Variants in DCHS2 observed in about 807,000 individuals in gnomAD.
DCHS2 encodes dachsous cadherin-related 2.
DCHS2 carries 142 observed loss-of-function variants against 182.4 expected under a neutral mutation model. The observed-to-expected ratio is 0.78, with a 90% CI of 0.68 to 0.89. The LOEUF (loss-of-function observed/expected upper bound fraction) is 0.89, where lower values mean the gene tolerates loss of function less well. DCHS2 is among the 40% of genes least tolerant of loss of function. DCHS2 has a pLI of 0.00. For synonymous variants in DCHS2, 1,740 were observed against 1,663.3 expected, an observed-to-expected ratio of 1.05 and a Z score of -1.12; for missense variants, 4,319 against 4,198.6, an observed-to-expected ratio of 1.03 and a Z score of -0.79.
In DCHS2 at chr4:154,366,361, G is replaced by T. The variant is rs1018097517; in HGVS notation, c.2325C>A (p.Thr775=). Residue 775 remains threonine, a synonymous_variant, in exon 3 of 20, where the codon ACC becomes ACA. Coordinates refer to ENST00000357232, the MANE Select transcript of DCHS2 (RefSeq NM_001358235.2). ...NDNHPVFNPS[T]YVTSISDETQ... is the part of the protein sequence containing the mutation. ...TCTCATCACTGATGCTCGTCACATA[G>T]GTTGATGGGTTAAACACAGGATGAT... is the stretch of plus-strand genomic sequence containing the variant. The T allele has an allele frequency of 6.2e-7, 1 of 1,613,906 alleles. No homozygotes were observed. Among genetic ancestry groups the T allele is most frequent in the Non-Finnish European group, 8.5e-7 (1 of 1,179,924 alleles).
At chr4:154,443,308 C>T (rs185333793) in intron 1 of DCHS2, among the ~76,000 whole-genome samples, 6 of 152,264 alleles carry the variant, frequency 3.9e-5, no homozygotes, top group South Asian at 2.1e-4. Flanking sequence ...AAGTGACAAT[C>T]GAAGCTACCT....
At chr4:154,284,630 G>T (rs1308207045) in intron 13 of DCHS2, 1 of 152,314 alleles carries the variant, frequency 6.6e-6, no homozygotes, top group Non-Finnish European at 1.5e-5. Context: ...TTGGAACTCA[G>T]TGCTGTCCTG....
intron 3 of DCHS2, among the ~76,000 whole-genome samples, chr4:154,341,691 G>C (rs2054959): frequency 6.6e-6 from 1 of 152,100 alleles, no homozygotes; most frequent in African/African-American, 2.4e-5. Context: ...TATAAATATT[G>C]TGTGAACAAA....
chr4:154,420,024 T>C (rs1230530043), intron 1 of DCHS2, among the ~76,000 whole-genome samples: 9 of 152,128 alleles, frequency 5.9e-5, no homozygotes, highest in Admixed American at 3.3e-4. Context: ...CAGAATGGTT[T>C]CTAAGAAGGT....
intron 6 of DCHS2, among the ~76,000 whole-genome samples, chr4:154,328,405 G>T (rs1232894821): frequency 6.6e-6 from 1 of 152,090 alleles, no homozygotes; most frequent in East Asian, 1.9e-4. Context: ...CAATTAGAAT[G>T]AATTATCTGA....
intron 1 of DCHS2, among the ~76,000 whole-genome samples, chr4:154,456,446 C>T (rs993929938): frequency 6.6e-6 from 1 of 152,160 alleles, no homozygotes; most frequent in Non-Finnish European, 1.5e-5. Context: ...GAGAGAGGAA[C>T]CCAACAGTGG....
chr4:154,289,994 A>AT (rs1307177000), intron 13 of DCHS2, among the ~76,000 whole-genome samples: 3 of 151,870 alleles, frequency 2.0e-5, no homozygotes, highest in Non-Finnish European at 1.5e-5. Context: ...GAAAGGAAAA[A>AT]GTCAAATTAT....
intron 1 of DCHS2, among the ~76,000 whole-genome samples, chr4:154,445,808 CAA>C (rs11335225): frequency 0.028 from 3,070 of 110,764 alleles, 116 homozygotes; most frequent in African/African-American, 0.091. Context: ...AAGACACTGT[CAA>C]AAAAAAAAAA....
chr4:154,257,841 C>A (rs1732768790), intron 15 of DCHS2, among the ~76,000 whole-genome samples: 1 of 152,234 alleles, frequency 6.6e-6, no homozygotes, highest in Non-Finnish European at 1.5e-5. Context: ...CTGACTCAGC[C>A]TTCTACAAGT....
chr4:154,342,214 T>TA (rs33949750), intron 3 of DCHS2, among the ~76,000 whole-genome samples: 83,253 of 150,598 alleles, frequency 0.55, 24,063 homozygotes, highest in African/African-American at 0.75. Flanking sequence ...ATTTTATTGG[T>TA]AAAAAAAAAA....
rs1218619525 is a variant in DCHS2, at chr4:154,490,233, C to T, written c.1123G>A (p.Ala375Thr). 6.5e-7 allele frequency: 1 copy of T among 1,549,670 alleles called. No individual in the cohort carries two copies. ...VRVWRPLDREAQAWHQLVVEA... is the reference protein window; with the variant it reads ...VRVWRPLDRETQAWHQLVVEA... ...ACCACCAACTGGTGCCAGGCCTGTG[C>T]CTCGCGGTCCAGAGGTCTCCACACT... The change falls in exon 1 of 20, where the codon GCA becomes ACA. Residue 375 changes from alanine (A) to threonine (T), a missense_variant. Physicochemically the swap from Ala to Thr is moderately conservative, Grantham distance 58. Transcript: ENST00000357232.
At position 154,235,681 on chromosome 4, in the gene DCHS2, C is replaced by T. The variant is rs181609649; in HGVS notation, c.8971G>A (p.Ala2991Thr). Residue 2991 changes from alanine (A) to threonine (T), a missense_variant, in exon 20 of 20, where the codon GCC becomes ACC. By Grantham distance (58) the Ala-to-Thr change is moderately conservative. Coordinates refer to ENST00000357232, the MANE Select transcript of DCHS2 (RefSeq NM_001358235.2). ...ACCAGGCTGATTGAAAAGCTGCTGG[C>T]GAACACTGCCAAGGGTGTTCCTTCA... ...SSEGTPLAVF[A>T]SSFSISLVVS... 1.4e-5 allele frequency: 23 copies of T among 1,613,834 alleles called. No individual in the cohort carries two copies. The highest frequency in any genetic ancestry group is 8.0e-5 in the African/African-American group (6 of 74,906).
intron 3 of DCHS2, among the ~76,000 whole-genome samples, chr4:154,344,489 G>A (rs1160252429): frequency 6.6e-6 from 1 of 152,106 alleles, no homozygotes; most frequent in African/African-American, 2.4e-5. Context: ...CAATATATTT[G>A]TTTTGGTCAG....
chr4:154,442,279 C>A (rs900184696), intron 1 of DCHS2, among the ~76,000 whole-genome samples: 4 of 152,078 alleles, frequency 2.6e-5, no homozygotes, highest in Non-Finnish European at 5.9e-5. Context: ...TCAGGGCAGA[C>A]CTTACTATCA....
chr4:154,375,579 A>T (rs1387798215), intron 2 of DCHS2, among the ~76,000 whole-genome samples: 1 of 152,194 alleles, frequency 6.6e-6, no homozygotes, highest in African/African-American at 2.4e-5. Context: ...ACATGAAAAA[A>T]AACCTCATTA....
chr4:154,392,667 C>T (rs1320780648), intron 1 of DCHS2, among the ~76,000 whole-genome samples: 2 of 152,206 alleles, frequency 1.3e-5, no homozygotes, highest in African/African-American at 4.8e-5. Flanking sequence ...GCACATAGAT[C>T]TAACTATGGA....
At chr4:154,416,949 G>A (rs191416100) in intron 1 of DCHS2, among the ~76,000 whole-genome samples, 3 of 152,032 alleles carry the variant, frequency 2.0e-5, no homozygotes, top group African/African-American at 7.2e-5. Context: ...TGTCACCCCC[G>A]GCCTCTGTCT....
At chr4:154,417,246 A>AGAGAGG (rs1732898024) in intron 1 of DCHS2, among the ~76,000 whole-genome samples, 1 of 136,386 alleles carries the variant, frequency 7.3e-6, no homozygotes, top group Non-Finnish European at 1.6e-5. Context: ...AGAGAGAGAG[A>AGAGAGG]GAGAGACCAG....
At chr4:154,448,168 C>T (rs1361200030) in intron 1 of DCHS2, among the ~76,000 whole-genome samples, 1 of 152,176 alleles carries the variant, frequency 6.6e-6, no homozygotes, top group Non-Finnish European at 1.5e-5. Context: ...ATCTCAGGTG[C>T]TCCTTTGCAC....
Sources: gnomAD v4.1 joint callset for allele counts (sites outside exome capture counted in the v4.1 genomes callset) on GRCh38, gnomAD v4.1.1 for gene constraint, MANE v1.5 for transcripts, NCBI Gene and HGNC (gene_info 2026-07-23, HGNC 2026-07-21) for gene names.